Variants in ITGA2 observed in about 807,000 individuals in gnomAD.
ITGA2 encodes the protein integrin alpha-2.
A neutral mutation model predicts 146.3 loss-of-function variants in ITGA2; 101 were observed. That is an observed-to-expected ratio of 0.69 (90% CI 0.59 to 0.81). ITGA2 has a LOEUF of 0.81. ITGA2 is among the 40% of genes least tolerant of loss of function. The pLI is 0.00. For synonymous variants in ITGA2, 477 were observed against 487.1 expected, an observed-to-expected ratio of 0.98 and a Z score of 0.27; for missense variants, 1,281 against 1,402.7, an observed-to-expected ratio of 0.91 and a Z score of 1.39.
At chr5:53,000,824 T>A (rs1217582482) in intron 1 of ITGA2, among the ~76,000 whole-genome samples, 1 of 151,984 alleles carries the variant, frequency 6.6e-6, no homozygotes, top group East Asian at 1.9e-4. Flanking sequence ...GAAAAAATTA[T>A]TTGACAAAAT....
intron 12 of ITGA2, 23 bp from the exon 13 acceptor site, chr5:53,062,763 T>A: frequency 6.2e-7 from 1 of 1,608,260 alleles, no homozygotes; most frequent in Non-Finnish European, 8.5e-7. Context: ...GAATTCTAAG[T>A]TTAACATGTT....
chr5:52,999,546 A>T (rs923921164), intron 1 of ITGA2, among the ~76,000 whole-genome samples: 2 of 152,098 alleles, frequency 1.3e-5, no homozygotes, highest in Non-Finnish European at 2.9e-5. Context: ...ATCTGTGTTG[A>T]TACCCTTTGC....
chr5:53,057,161 A>G (rs185000357), intron 9 of ITGA2, among the ~76,000 whole-genome samples: 2 of 152,144 alleles, frequency 1.3e-5, no homozygotes, highest in African/African-American at 4.8e-5. Flanking sequence ...ATGAATGAGA[A>G]CAATTGCAAT....
intron 10 of ITGA2, among the ~76,000 whole-genome samples, chr5:53,058,420 ACTACTGG>A (rs1744741627): frequency 1.3e-5 from 2 of 151,866 alleles, no homozygotes; most frequent in South Asian, 4.1e-4. Flanking sequence ...GAATCAATTA[ACTACTGG>A]AAATGTTTGT....
rs775442986 is a variant in ITGA2 at position 53,073,251 on chromosome 5, T to A, written c.2563T>A (p.Ser855Thr). Residue 855 changes from serine to threonine, a missense_variant, in exon 20 of 30, where the codon TCC becomes ACC. By Grantham distance (58) the Ser-to-Thr change is moderately conservative. Transcript: ENST00000296585. ...AGAAAACTTGTTTTTTGCATCATTC[T>A]CCCTGCCGGTATGTGATGAGACCCT... ...FSENLFFASFSLPVDGTEVTC... is the reference protein window; with the variant it reads ...FSENLFFASFTLPVDGTEVTC... 5 of 1,612,242 alleles carry A rather than the reference T, an allele frequency of 3.1e-6. No homozygotes were observed. The African/African-American group carries it at 5.3e-5, about 17-fold the overall frequency.
At chr5:53,067,453 C>G (rs1486624254) in intron 16 of ITGA2, among the ~76,000 whole-genome samples, 196 bp downstream of exon 16, 2 of 151,856 alleles carry the variant, frequency 1.3e-5, no homozygotes, top group African/African-American at 4.8e-5. Flanking sequence ...TTCCACATCT[C>G]TAGAAGGTTC....
intron 2 of ITGA2, among the ~76,000 whole-genome samples, chr5:53,036,666 G>T (rs1250746286): frequency 6.6e-6 from 1 of 152,094 alleles, no homozygotes; most frequent in African/African-American, 2.4e-5. Context: ...TTCTCCCAAA[G>T]CACTGATCAC....
chr5:53,080,327 A>T (rs1042837795), intron 24 of ITGA2, among the ~76,000 whole-genome samples, 184 bp from the exon 25 acceptor site: 8 of 152,172 alleles, frequency 5.3e-5, no homozygotes, highest in Non-Finnish European at 1.0e-4. Flanking sequence ...AACCTCAGGC[A>T]TAAATGCGTT....
intron 19 of ITGA2, 63 bp from the exon 20 acceptor site, chr5:53,073,055 T>C: frequency 6.5e-7 from 1 of 1,550,052 alleles, no homozygotes; most frequent in Admixed American, 1.7e-5. Context: ...AGTGAAATTT[T>C]AAAATACTGG....
intron 1 of ITGA2, among the ~76,000 whole-genome samples, chr5:53,016,686 A>G (rs575454783): frequency 6.6e-6 from 1 of 152,280 alleles, no homozygotes; most frequent in African/African-American, 2.4e-5. Flanking sequence ...ATGTTTTCCA[A>G]GTTGCTTTCT....
intron 1 of ITGA2, chr5:52,990,425 A>C (rs1740884142): frequency 6.6e-6 from 1 of 152,218 alleles, no homozygotes; most frequent in Admixed American, 6.5e-5. Context: ...TTTTTCCCTG[A>C]CCATTAGGCA....
chr5:53,031,750 C>G (rs1202567645), intron 2 of ITGA2, among the ~76,000 whole-genome samples: 1 of 152,166 alleles, frequency 6.6e-6, no homozygotes, highest in Non-Finnish European at 1.5e-5. Flanking sequence ...AGTAGAGTAC[C>G]TGGGCAGCCC....
rs1469968255 is a variant in ITGA2, at chr5:53,026,729, T to C, written c.65-19T>C. 6.3e-7 allele frequency: 1 copy of C among 1,592,900 alleles called. No individual in the cohort carries two copies. Among genetic ancestry groups the C allele is most frequent in the Admixed American group, 1.7e-5 (1 of 59,958 alleles). Reference sequence around the variant, plus strand: ...TTCATGAATTGTAAATATGTGCTATTTCATATTTTTCTTAATAGGCATTTT... The same window carrying C: ...TTCATGAATTGTAAATATGTGCTATCTCATATTTTTCTTAATAGGCATTTT... On this transcript the variant is annotated intron_variant, in intron 1 of 29. Coordinates refer to ENST00000296585, the MANE Select transcript of ITGA2 (RefSeq NM_002203.4).
chr5:53,081,864 G>A (rs1461554094), intron 26 of ITGA2, among the ~76,000 whole-genome samples, 168 bp downstream of exon 26: 2 of 152,136 alleles, frequency 1.3e-5, no homozygotes, highest in African/African-American at 4.8e-5. Flanking sequence ...AAGTAAATAC[G>A]ATTTTGAAAC....
chr5:53,002,193 A>G (rs1251854915), intron 1 of ITGA2, among the ~76,000 whole-genome samples: 2 of 152,134 alleles, frequency 1.3e-5, no homozygotes, highest in African/African-American at 2.4e-5. Flanking sequence ...ATTTTATAGT[A>G]TAAAACATTT....
chr5:53,036,678 A>G (rs139407433), intron 2 of ITGA2, among the ~76,000 whole-genome samples: 1 of 152,170 alleles, frequency 6.6e-6, no homozygotes, highest in East Asian at 1.9e-4. Context: ...ACTGATCACT[A>G]CCACTATATG....
At chr5:53,014,925 A>G (rs1742328693) in intron 1 of ITGA2, among the ~76,000 whole-genome samples, 1 of 151,958 alleles carries the variant, frequency 6.6e-6, no homozygotes, top group Non-Finnish European at 1.5e-5. Context: ...TAGTATTTCT[A>G]TGAGGTTGCT....
chr5:53,021,411 C>A (rs1238142801), intron 1 of ITGA2, among the ~76,000 whole-genome samples: 1 of 152,196 alleles, frequency 6.6e-6, no homozygotes, highest in African/African-American at 2.4e-5. Context: ...TGTGGCCCAG[C>A]CACCTACTTA....
chr5:53,002,702 T>A (rs920029613), intron 1 of ITGA2, among the ~76,000 whole-genome samples: 1 of 152,310 alleles, frequency 6.6e-6, no homozygotes, highest in East Asian at 1.9e-4. Flanking sequence ...CGTTTTACTT[T>A]TGGATCATTT....
Sources: allele counts gnomAD v4.1 joint callset (sites outside exome capture counted in the v4.1 genomes callset), GRCh38; gene constraint gnomAD v4.1.1; transcripts MANE v1.5; gene names NCBI Gene and HGNC (gene_info 2026-07-23, HGNC 2026-07-21).